The following GFRA1 variants were observed in gnomAD, a reference collection of about 807,000 sequenced individuals.
The protein encoded by GFRA1 is GDNF family receptor alpha 1.
Under a neutral mutation model 51.6 loss-of-function variants are expected in GFRA1, and 16 were observed. The ratio of observed to expected loss-of-function variants is 0.31; its 90% CI spans 0.21 to 0.47. The LOEUF (loss-of-function observed/expected upper bound fraction) is 0.47, where lower values mean the gene tolerates loss of function less well. Ranked by LOEUF, GFRA1 falls within the 20% of genes least tolerant of loss-of-function variation. The probability of loss-of-function intolerance (pLI) is 1.00; values close to 1 mark genes in which losing one functional copy is unlikely to be tolerated. For missense variants in GFRA1, 530 were observed against 594.3 expected (o/e 0.89, Z 1.13); for synonymous variants, 270 against 241.3 (o/e 1.12, Z -1.10).
chr10:116,221,722 G>A (rs1365658272), intron 4 of GFRA1, among the ~76,000 whole-genome samples: 1 of 152,122 alleles, frequency 6.6e-6, no homozygotes, highest in East Asian at 1.9e-4. Context: ...ACCGCACCTG[G>A]TCTGTGTTCA....
At chr10:116,084,973 G>A (rs896434048) in intron 9 of GFRA1, among the ~76,000 whole-genome samples, 1 of 152,158 alleles carries the variant, frequency 6.6e-6, no homozygotes, top group Non-Finnish European at 1.5e-5. Flanking sequence ...CACAGCCTGT[G>A]CCATGCTTGT....
intron 4 of GFRA1, among the ~76,000 whole-genome samples, chr10:116,242,564 C>T (rs945664871): frequency 6.6e-6 from 1 of 151,930 alleles, no homozygotes; most frequent in African/African-American, 2.4e-5. Flanking sequence ...TCACTGCAAC[C>T]TCTGACTCCC....
At chr10:116,086,199 T>C (rs1169818914) in intron 9 of GFRA1, among the ~76,000 whole-genome samples, 1 of 151,986 alleles carries the variant, frequency 6.6e-6, no homozygotes, top group Non-Finnish European at 1.5e-5. Context: ...CACAGAAGGT[T>C]TTGAAAAATA....
At chr10:116,231,830 G>A (rs187331828) in intron 4 of GFRA1, among the ~76,000 whole-genome samples, 26 of 152,212 alleles carry the variant, frequency 1.7e-4, no homozygotes, top group African/African-American at 6.0e-4. Context: ...CACCTAAATC[G>A]ACCCGGGCAC....
At chr10:116,157,385 C>T (rs1959255732) in intron 5 of GFRA1, among the ~76,000 whole-genome samples, 2 of 152,180 alleles carry the variant, frequency 1.3e-5, no homozygotes, top group African/African-American at 2.4e-5. Context: ...CCCTGTGGAA[C>T]CAGCTGCTTG....
chr10:116,258,918 C>G (rs1969098474), intron 4 of GFRA1, among the ~76,000 whole-genome samples: 1 of 152,162 alleles, frequency 6.6e-6, no homozygotes, highest in Non-Finnish European at 1.5e-5. Context: ...GTATGTTCAG[C>G]CTGATCACTT....
intron 9 of GFRA1, among the ~76,000 whole-genome samples, chr10:116,081,622 T>C (rs1039023022): frequency 1.3e-5 from 2 of 152,196 alleles, no homozygotes; most frequent in Non-Finnish European, 2.9e-5. Flanking sequence ...CTGAGGTTAC[T>C]GTGAGGATTA....
intron 5 of GFRA1, among the ~76,000 whole-genome samples, chr10:116,126,622 A>G (rs1957888863): frequency 6.6e-6 from 1 of 152,244 alleles, no homozygotes; most frequent in South Asian, 2.1e-4. Context: ...GATGAGGTGT[A>G]GTAGTGATTC....
intron 5 of GFRA1, among the ~76,000 whole-genome samples, chr10:116,196,376 C>T (rs1414946653): frequency 6.7e-6 from 1 of 150,128 alleles, no homozygotes; most frequent in Non-Finnish European, 1.5e-5. Flanking sequence ...GTAATCCCAG[C>T]TACTAGGGAG....
At chr10:116,257,035 A>G (rs1968919276) in intron 4 of GFRA1, among the ~76,000 whole-genome samples, 1 of 149,624 alleles carries the variant, frequency 6.7e-6, no homozygotes, top group Non-Finnish European at 1.5e-5. Context: ...ACCCTGCAGA[A>G]AAGCAGATGG....
At chr10:116,230,396 A>G (rs984331630) in intron 4 of GFRA1, among the ~76,000 whole-genome samples, 2 of 152,196 alleles carry the variant, frequency 1.3e-5, no homozygotes, top group African/African-American at 2.4e-5. Context: ...CTGGATTCCA[A>G]ATTAGTCTCT....
At chr10:116,124,683 G>T (rs965439869) in intron 6 of GFRA1, among the ~76,000 whole-genome samples, 4 of 152,192 alleles carry the variant, frequency 2.6e-5, no homozygotes, top group African/African-American at 9.7e-5. Flanking sequence ...AGATCTGGGA[G>T]ATGAGCTAAG....
At chr10:116,124,472 C>A (rs1184694507) in intron 6 of GFRA1, among the ~76,000 whole-genome samples, 1 of 152,002 alleles carries the variant, frequency 6.6e-6, no homozygotes, top group South Asian at 2.1e-4. Context: ...CTCAGGTGAT[C>A]CACCCGCCTC....
At chr10:116,082,442 C>G (rs1955890063) in intron 9 of GFRA1, among the ~76,000 whole-genome samples, 1 of 151,614 alleles carries the variant, frequency 6.6e-6, no homozygotes, top group South Asian at 2.1e-4. Context: ...GGCAGGATAT[C>G]ATTCAGCTCA....
intron 5 of GFRA1, among the ~76,000 whole-genome samples, chr10:116,199,028 G>T (rs954305904): frequency 4.6e-5 from 7 of 152,108 alleles, no homozygotes; most frequent in Admixed American, 2.0e-4. Flanking sequence ...ACAGGCCAGG[G>T]AATACTACGG....
intron 5 of GFRA1, among the ~76,000 whole-genome samples, chr10:116,159,925 G>T (rs1487689295): frequency 6.6e-6 from 1 of 152,172 alleles, no homozygotes; most frequent in Non-Finnish European, 1.5e-5. Context: ...ACCTCCCACT[G>T]ATAACTGAAC....
chr10:116,252,912 C>A (rs929799987), intron 4 of GFRA1, among the ~76,000 whole-genome samples: 1 of 152,216 alleles, frequency 6.6e-6, no homozygotes, highest in Non-Finnish European at 1.5e-5. Context: ...AGGATGCAAA[C>A]TTAGTCTGAC....
intron 5 of GFRA1, among the ~76,000 whole-genome samples, chr10:116,149,490 C>G (rs1042620795): frequency 1.6e-4 from 24 of 152,174 alleles, no homozygotes; most frequent in African/African-American, 5.3e-4. Context: ...AAACTGCTCA[C>G]TACACACTGG....
intron 5 of GFRA1, among the ~76,000 whole-genome samples, chr10:116,194,515 A>G (rs1485717169): frequency 6.6e-6 from 1 of 152,236 alleles, no homozygotes; most frequent in East Asian, 1.9e-4. Flanking sequence ...CTAAGTACAC[A>G]ATAGTTAGCC....
Sources: gnomAD v4.1 joint callset for allele counts (sites outside exome capture counted in the v4.1 genomes callset) on GRCh38, gnomAD v4.1.1 for gene constraint, MANE v1.5 for transcripts, NCBI Gene and HGNC (gene_info 2026-07-23, HGNC 2026-07-21) for gene names.